RAG1: variants seen among roughly 807,000 people sequenced by gnomAD.
RAG1 encodes recombination activating 1.
RAG1 carries 35 observed loss-of-function variants against 62.7 expected under a neutral mutation model. That is an observed-to-expected ratio of 0.56 (90% CI 0.43 to 0.74). RAG1 has a LOEUF of 0.74. Ranked by LOEUF, RAG1 falls within the 30% of genes least tolerant of loss-of-function variation. The probability of loss-of-function intolerance (pLI) is 0.00; values close to 1 mark genes in which losing one functional copy is unlikely to be tolerated. For synonymous variants in RAG1, 461 were observed against 470.3 expected (o/e 0.98, Z 0.26); for missense variants, 1,169 against 1,278.6 (o/e 0.91, Z 1.31).
upstream of RAG1, among the ~76,000 whole-genome samples, chr11:36,564,116 C>T (rs1007018825): frequency 1.8e-4 from 28 of 152,190 alleles, no homozygotes; most frequent in Non-Finnish European, 2.4e-4. Flanking sequence ...GGCCTTTACT[C>T]TCAGCTCTTC....
At chr11:36,531,813 T>A (rs964116684) in intron 2 of RAG1, among the ~76,000 whole-genome samples, 6 of 152,022 alleles carry the variant, frequency 3.9e-5, no homozygotes, top group Non-Finnish European at 7.4e-5. Context: ...TCTTATCAAA[T>A]GACGTGAGCT....
intron 2 of RAG1, chr11:36,520,275 A>AT (rs111611121): frequency 2.9e-4 from 43 of 147,258 alleles, no homozygotes; most frequent in East Asian, 9.9e-4. Context: ...TTATTTTTTA[A>AT]TTTTTTTTTT....
At chr11:36,569,177 C>T (rs896108560) in intron 1 of RAG1, among the ~76,000 whole-genome samples, 1 of 152,168 alleles carries the variant, frequency 6.6e-6, no homozygotes. Context: ...CTAATGATAT[C>T]ACTCACCAGA....
chr11:36,516,275 C>T (rs1418491406), intron 1 of RAG1, among the ~76,000 whole-genome samples: 3 of 152,208 alleles, frequency 2.0e-5, no homozygotes, highest in Non-Finnish European at 4.4e-5. Context: ...CGAGTTAGTG[C>T]CCAGACACAT....
Position 36,573,459 on chromosome 11 carries a change from C to A in RAG1, c.155C>A (p.Ser52Tyr). 1 of 1,614,150 alleles carries A rather than the reference C, an allele frequency of 6.2e-7. No individual in the cohort carries two copies. Among genetic ancestry groups the A allele is most frequent in the Non-Finnish European group, 8.5e-7 (1 of 1,180,020 alleles). ...PEEAQKEKKD[S>Y]FEGKPSLEQS... Reference sequence around the variant, plus strand: ...GAAGCTCAAAAGGAAAAGAAGGATTCCTTTGAGGGGAAACCCTCTCTGGAG... The same window carrying A: ...GAAGCTCAAAAGGAAAAGAAGGATTACTTTGAGGGGAAACCCTCTCTGGAG... Residue 52 changes from serine (S) to tyrosine (Y), a missense_variant, in exon 2 of 2, where the codon TCC (serine) becomes TAC (tyrosine). Around this residue, in one of 2 missense-constraint regions of RAG1, gnomAD observed 369 missense variants for 335.3 expected, o/e 1.10. Coordinates refer to ENST00000299440, the MANE Select transcript of RAG1 (RefSeq NM_000448.3).
upstream of RAG1, among the ~76,000 whole-genome samples, chr11:36,566,721 A>G (rs568913613): frequency 6.6e-6 from 1 of 152,324 alleles, no homozygotes; most frequent in East Asian, 1.9e-4. Context: ...CCTTGGGGAA[A>G]AACACACTGA....
intron 1 of RAG1, among the ~76,000 whole-genome samples, chr11:36,572,638 C>T (rs1850766686): frequency 6.6e-6 from 1 of 152,202 alleles, no homozygotes; most frequent in African/African-American, 2.4e-5. Flanking sequence ...TTATAATTTA[C>T]AACAGCATTC....
chr11:36,557,425 C>T (rs951704150), intron 3 of RAG1, among the ~76,000 whole-genome samples: 1 of 143,150 alleles, frequency 7.0e-6, no homozygotes, highest in Non-Finnish European at 1.5e-5. Flanking sequence ...ACTCCCTGAC[C>T]CCTTGCGCTT....
chr11:36,539,817 C>G (rs1860388275), downstream of RAG1, among the ~76,000 whole-genome samples: 1 of 152,172 alleles, frequency 6.6e-6, no homozygotes, highest in African/African-American at 2.4e-5. Flanking sequence ...CTGAAATTTT[C>G]TCTCCTTTTG....
At chr11:36,530,252 T>C (rs1860232762) in intron 2 of RAG1, among the ~76,000 whole-genome samples, 1 of 152,074 alleles carries the variant, frequency 6.6e-6, no homozygotes, top group South Asian at 2.1e-4. Flanking sequence ...ATTGTGTCCA[T>C]TTTATTGACA....
In RAG1 at chr11:36,576,358, C is replaced by T. The variant is rs770429981; in HGVS notation, c.3054C>T (p.Thr1018=). The stretch of plus-strand genomic sequence containing the variant: ...ATGCATTAAAAACCTCTGGGTTTAC[C>T]ATGAACCCTCAGGCAAGCTTAGGGG... ...AHNALKTSGF[T]MNPQASLGDP... Residue 1018 remains threonine (T), a synonymous_variant, in exon 2 of 2, where the codon ACC becomes ACT. Coordinates refer to ENST00000299440, the MANE Select transcript of RAG1 (RefSeq NM_000448.3). 4.3e-6 allele frequency: 7 copies of T among 1,613,986 alleles called. No individual in the cohort carries two copies. The East Asian group carries it at 1.3e-4, about 31-fold the overall frequency.
At chr11:36,518,099 T>G (rs1251312594) in intron 1 of RAG1, among the ~76,000 whole-genome samples, 2 of 151,512 alleles carry the variant, frequency 1.3e-5, no homozygotes, top group Admixed American at 1.3e-4. Flanking sequence ...TTTGGTTTTT[T>G]TGTCCTTGCG....
intron 2 of RAG1, among the ~76,000 whole-genome samples, chr11:36,524,394 T>C (rs561717676): frequency 4.0e-5 from 6 of 151,544 alleles, no homozygotes; most frequent in African/African-American, 1.4e-4. Context: ...AGAGTGTCTC[T>C]ACCAAGGTAC....
intron 3 of RAG1, among the ~76,000 whole-genome samples, chr11:36,548,545 C>T (rs1186314876): frequency 6.6e-6 from 1 of 152,054 alleles, no homozygotes; most frequent in African/African-American, 2.4e-5. Flanking sequence ...AAATAAAATA[C>T]CTAGGAATCC....
At chr11:36,512,085 A>G (rs1859932845) in intron 1 of RAG1, among the ~76,000 whole-genome samples, 1 of 152,196 alleles carries the variant, frequency 6.6e-6, no homozygotes, top group Admixed American at 6.5e-5. Context: ...AATTTATTCA[A>G]TATAGGAGAG....
At chr11:36,538,138 A>G (rs917476403), downstream of RAG1, among the ~76,000 whole-genome samples, 3 of 152,164 alleles carry the variant, frequency 2.0e-5, no homozygotes, top group Admixed American at 1.3e-4. Context: ...TTTCTACTAA[A>G]GTATTTGGTC....
At chr11:36,537,801 G>A (rs768631974), downstream of RAG1, among the ~76,000 whole-genome samples, 3 of 151,944 alleles carry the variant, frequency 2.0e-5, no homozygotes, top group Non-Finnish European at 4.4e-5. Flanking sequence ...TTATCTTTGG[G>A]GGAACACCCA....
At chr11:36,569,489 A>G (rs897264619) in intron 1 of RAG1, among the ~76,000 whole-genome samples, 7 of 152,234 alleles carry the variant, frequency 4.6e-5, no homozygotes, top group African/African-American at 1.2e-4. Flanking sequence ...CTACAGGTCC[A>G]TATTTTAGCC....
At chr11:36,533,505 A>G (rs1860284675) in intron 2 of RAG1, among the ~76,000 whole-genome samples, 1 of 152,202 alleles carries the variant, frequency 6.6e-6, no homozygotes, top group African/African-American at 2.4e-5. Context: ...AACTTTTGTG[A>G]ACTCAAAGAC....
Sources: gnomAD v4.1 joint callset for allele counts (sites outside exome capture counted in the v4.1 genomes callset) on GRCh38, gnomAD v4.1.1 for gene constraint, gnomAD v4.1.1 regional missense constraint, MANE v1.5 for transcripts, NCBI Gene and HGNC (gene_info 2026-07-23, HGNC 2026-07-21) for gene names.